The following OSBPL10 variants were observed in gnomAD, a reference collection of about 807,000 sequenced individuals.
The protein encoded by OSBPL10 is oxysterol-binding protein-related protein 10.
A neutral mutation model predicts 81.7 loss-of-function variants in OSBPL10; 49 were observed. The observed-to-expected ratio is 0.60, with a 90% CI of 0.48 to 0.76. The LOEUF (loss-of-function observed/expected upper bound fraction) is 0.76. Among genes scored for constraint, OSBPL10 ranks in the 30% least tolerant of loss-of-function variants. OSBPL10 has a pLI of 0.00. For missense variants in OSBPL10, 923 were observed against 987.8 expected (o/e 0.93, Z 0.88); for synonymous variants, 419 against 383.6 (o/e 1.09, Z -1.08).
intron 3 of OSBPL10, among the ~76,000 whole-genome samples, chr3:31,852,122 C>T (rs1394307652): frequency 6.6e-6 from 1 of 152,194 alleles, no homozygotes; most frequent in Non-Finnish European, 1.5e-5. Context: ...CATGCCCTAG[C>T]CATGTGGCCA....
At chr3:32,060,401 C>T (rs1057321245) in intron 1 of OSBPL10, among the ~76,000 whole-genome samples, 8 of 152,138 alleles carry the variant, frequency 5.3e-5, no homozygotes, top group Admixed American at 4.6e-4. Context: ...ATGCCCAGGC[C>T]GAACGCCATC....
intron 2 of OSBPL10, among the ~76,000 whole-genome samples, chr3:32,024,569 C>A (rs1188154677): frequency 6.9e-6 from 1 of 145,760 alleles, no homozygotes; most frequent in Non-Finnish European, 1.5e-5. Flanking sequence ...CGGCTCACTG[C>A]AACCTCCACC....
chr3:32,036,899 A>G (rs1002074759), intron 2 of OSBPL10, among the ~76,000 whole-genome samples: 1 of 152,120 alleles, frequency 6.6e-6, no homozygotes, highest in Non-Finnish European at 1.5e-5. Flanking sequence ...GGACAGCCAC[A>G]AGGAGCTTAC....
chr3:31,848,963 A>G (rs1459095552), intron 3 of OSBPL10, among the ~76,000 whole-genome samples: 1 of 152,228 alleles, frequency 6.6e-6, no homozygotes, highest in African/African-American at 2.4e-5. Flanking sequence ...GGGTGGTCTC[A>G]GGTCCACTTT....
At chr3:31,672,992 A>G (rs1357847434) in intron 8 of OSBPL10, among the ~76,000 whole-genome samples, 2 of 152,188 alleles carry the variant, frequency 1.3e-5, no homozygotes. Flanking sequence ...ACTGCGTATC[A>G]GAAGAGATGG....
At chr3:31,947,025 G>C (rs966350862) in intron 1 of OSBPL10, among the ~76,000 whole-genome samples, 12 of 152,150 alleles carry the variant, frequency 7.9e-5, no homozygotes, top group Non-Finnish European at 1.8e-4. Context: ...TATCAGAAGA[G>C]ACAAAGGCAG....
rs532656562 is a variant in OSBPL10 at position 31,704,445 on chromosome 3, G to A, written c.1096-1937C>T. On this transcript the variant is annotated intron_variant, in intron 6 of 11. Coordinates refer to ENST00000396556, the MANE Select transcript of OSBPL10 (RefSeq NM_017784.5). ...GCACCAGCTGGGGGAGGAGAGGGTA[G>A]TGCCTGGGCATTCTGCTTTGGGAAG... Among the ~76,000 whole-genome samples, 14 of 152,354 alleles carry A rather than the reference G, an allele frequency of 9.2e-5. No individual in the cohort carries two copies. The East Asian group carries it at 2.3e-3, about 25-fold the overall frequency.
rs201410600 is a variant in OSBPL10 at position 31,980,953 on chromosome 3, G to A, written c.227C>T (p.Ala76Val). Residue 76 changes from alanine to valine, a missense_variant, in exon 1 of 12, where the codon GCG becomes GTG. Around this residue, in one of 3 missense-constraint regions of OSBPL10, gnomAD observed 514 missense variants for 508.0 expected, o/e 1.01. Coordinates refer to ENST00000396556, the MANE Select transcript of OSBPL10 (RefSeq NM_017784.5). ...SGGGGRRREP[A>V]LEGVLSKYTN... ...GTATTTGCTGAGCACGCCCTCGAGC[G>A]CCGGCTCCCTCCTGCGGCCGCCTCC... The A allele has an allele frequency of 6.3e-7, 1 of 1,575,542 alleles. No homozygotes were observed. Among genetic ancestry groups the A allele is most frequent in the Non-Finnish European group, 8.6e-7 (1 of 1,164,994 alleles).
At chr3:31,950,904 A>T (rs1697850334) in intron 1 of OSBPL10, among the ~76,000 whole-genome samples, 1 of 152,222 alleles carries the variant, frequency 6.6e-6, no homozygotes, top group Non-Finnish European at 1.5e-5. Flanking sequence ...CCTCACCAGA[A>T]GCCAAGATGC....
chr3:32,070,589 T>A (rs1699821933), intron 1 of OSBPL10, among the ~76,000 whole-genome samples: 2 of 152,126 alleles, frequency 1.3e-5, no homozygotes, highest in African/African-American at 2.4e-5. Flanking sequence ...ACAACAGGCT[T>A]TAAGGGGATT....
chr3:31,821,059 G>C (rs1699972859), intron 4 of OSBPL10, among the ~76,000 whole-genome samples: 1 of 152,082 alleles, frequency 6.6e-6, no homozygotes. Context: ...TGAACAAAAA[G>C]AGCCTGGTGA....
chr3:31,772,300 T>C (rs1432205626), intron 4 of OSBPL10, among the ~76,000 whole-genome samples: 1 of 152,226 alleles, frequency 6.6e-6, no homozygotes, highest in Non-Finnish European at 1.5e-5. Context: ...CATAACCCCT[T>C]TCCTTTTTAA....
intron 3 of OSBPL10, among the ~76,000 whole-genome samples, chr3:31,858,926 T>C (rs80034746): frequency 1.1e-3 from 163 of 152,350 alleles, no homozygotes; most frequent in African/African-American, 3.8e-3. Flanking sequence ...ACAACCAAGT[T>C]ATCCATCAAC....
At chr3:32,030,848 G>T (rs1012523756) in intron 2 of OSBPL10, among the ~76,000 whole-genome samples, 25 of 152,102 alleles carry the variant, frequency 1.6e-4, no homozygotes, top group Non-Finnish European at 3.4e-4. Context: ...GAAATATTTT[G>T]ACAAGGGAAA....
intron 1 of OSBPL10, among the ~76,000 whole-genome samples, chr3:31,924,869 C>A (rs916165403): frequency 6.6e-5 from 10 of 152,150 alleles, no homozygotes; most frequent in Non-Finnish European, 8.8e-5. Context: ...ATTTCGCCCA[C>A]AGAATATCCT....
chr3:32,023,434 A>G (rs1228043833), intron 2 of OSBPL10, among the ~76,000 whole-genome samples: 1 of 152,164 alleles, frequency 6.6e-6, no homozygotes. Context: ...TGAGTCCATT[A>G]AACCTCTTTC....
intron 2 of OSBPL10, among the ~76,000 whole-genome samples, chr3:32,041,909 C>T (rs949160330): frequency 4.6e-5 from 7 of 152,270 alleles, no homozygotes; most frequent in African/African-American, 1.4e-4. Flanking sequence ...ATCTGCCTGC[C>T]TCAACCTCCC....
At chr3:31,968,615 G>T (rs531634518) in intron 1 of OSBPL10, among the ~76,000 whole-genome samples, 1 of 151,574 alleles carries the variant, frequency 6.6e-6, no homozygotes, top group Middle Eastern at 3.5e-3. Flanking sequence ...ATACCTTTAC[G>T]TTCAACCCAT....
At chr3:32,044,006 C>T (rs1699600982) in intron 2 of OSBPL10, among the ~76,000 whole-genome samples, 1 of 152,132 alleles carries the variant, frequency 6.6e-6, no homozygotes, top group South Asian at 2.1e-4. Context: ...CTATTGGGTA[C>T]TGTGCTCACT....
Sources: allele counts gnomAD v4.1 joint callset (sites outside exome capture counted in the v4.1 genomes callset), GRCh38; gene constraint gnomAD v4.1.1; regional missense constraint gnomAD v4.1.1; transcripts MANE v1.5; gene names NCBI Gene and HGNC (gene_info 2026-07-23, HGNC 2026-07-21).